Variants in DNAH11 observed in about 807,000 individuals in gnomAD.
The protein encoded by DNAH11 is dynein axonemal heavy chain 11.
A neutral mutation model predicts 526.0 loss-of-function variants in DNAH11; 442 were observed. The ratio of observed to expected loss-of-function variants is 0.84; its 90% CI spans 0.78 to 0.91. The LOEUF is 0.91. DNAH11 is among the 40% of genes least tolerant of loss of function. The pLI, the probability that DNAH11 is intolerant of heterozygous loss-of-function variation, is 0.00. For synonymous variants in DNAH11, 2,461 were observed against 1,935.9 expected (o/e 1.27, Z -7.12); for missense variants, 6,989 against 5,448.7 (o/e 1.28, Z -8.90).
intron 76 of DNAH11, among the ~76,000 whole-genome samples, chr7:21,888,558 C>A (rs769646738): frequency 6.6e-6 from 1 of 151,450 alleles, no homozygotes; most frequent in African/African-American, 2.4e-5. Flanking sequence ...GGTGTGATCT[C>A]GGCTCACTGC....
At chr7:21,776,948 G>A (rs2127981303) in intron 56 of DNAH11, among the ~76,000 whole-genome samples, 1 of 151,476 alleles carries the variant, frequency 6.6e-6, no homozygotes, top group South Asian at 2.1e-4. Context: ...GTGTGTGTGT[G>A]TGTGTGTGTG....
intron 25 of DNAH11, among the ~76,000 whole-genome samples, chr7:21,627,129 T>C (rs1786377980): frequency 6.6e-6 from 1 of 152,188 alleles, no homozygotes; most frequent in Non-Finnish European, 1.5e-5. Context: ...TGTTTTTGTT[T>C]TGCCACTGGG....
intron 49 of DNAH11, among the ~76,000 whole-genome samples, chr7:21,743,212 G>A (rs1279076484): frequency 6.6e-6 from 1 of 152,238 alleles, no homozygotes; most frequent in African/African-American, 2.4e-5. Flanking sequence ...GAGTGAGTGA[G>A]TGCTTACTGT....
In DNAH11 at chr7:21,744,543, A is replaced by G; in HGVS notation, c.8260A>G (p.Lys2754Glu). The G allele has an allele frequency of 6.2e-7, 1 of 1,613,494 alleles. No homozygotes were observed. The highest frequency in any genetic ancestry group is 8.5e-7 in the Non-Finnish European group (1 of 1,179,768). The change falls in exon 50 of 82, where the codon AAA becomes GAA. Residue 2754 changes from lysine to glutamate, a missense_variant. Physicochemically the swap from Lys to Glu is moderately conservative, Grantham distance 56. Coordinates refer to ENST00000409508, the MANE Select transcript of DNAH11 (RefSeq NM_001277115.2). ...TTATGGAGACAAACTGATAGACAAAAAAGATTGTGATTTGTTTCAGAGAAG... is the reference window on the plus strand; with the variant it reads ...TTATGGAGACAAACTGATAGACAAAGAAGATTGTGATTTGTTTCAGAGAAG... ...RVYGDKLIDK[K>E]DCDLFQRRML...
intron 2 of DNAH11, among the ~76,000 whole-genome samples, chr7:21,550,376 G>A (rs1214682147): frequency 6.6e-6 from 1 of 152,132 alleles, no homozygotes; most frequent in Non-Finnish European, 1.5e-5. Flanking sequence ...AGGGATGACA[G>A]GGTGGAGTAT....
intron 63 of DNAH11, among the ~76,000 whole-genome samples, chr7:21,812,300 C>T (rs1157062361): frequency 6.6e-6 from 1 of 151,986 alleles, no homozygotes; most frequent in Non-Finnish European, 1.5e-5. Flanking sequence ...ATGGAAGAAT[C>T]ATGATTTGGG....
rs1169835138 is a variant in DNAH11 at position 21,606,740 on chromosome 7, C to A, written c.3852+7C>A. 31 of 1,592,582 alleles carry A rather than the reference C, an allele frequency of 1.9e-5. No homozygotes were observed. Among genetic ancestry groups the A allele is most frequent in the Non-Finnish European group, 2.7e-5 (31 of 1,167,916 alleles). On this transcript the variant is annotated splice_region_variant and intron_variant, in intron 20 of 81. Transcript: ENST00000409508. Reference sequence around the variant, plus strand: ...ATACACAGCGCTTGATAAGGTAATACAGATCTCAAATATCCTGTGTGCATT... The same window carrying A: ...ATACACAGCGCTTGATAAGGTAATAAAGATCTCAAATATCCTGTGTGCATT...
intron 34 of DNAH11, among the ~76,000 whole-genome samples, chr7:21,689,291 A>G (rs1055885418): frequency 6.6e-6 from 1 of 152,188 alleles, no homozygotes; most frequent in Non-Finnish European, 1.5e-5. Flanking sequence ...GATTTATGTA[A>G]CTGATCCATG....
At chr7:21,656,071 C>A in intron 29 of DNAH11, 90 bp downstream of exon 29, 1 of 1,371,294 alleles carries the variant, frequency 7.3e-7, no homozygotes, top group East Asian at 2.5e-5. Context: ...AAATTCAACC[C>A]AGGTCAAATC....
intron 28 of DNAH11, among the ~76,000 whole-genome samples, chr7:21,643,687 C>A (rs551758826): frequency 1.3e-5 from 2 of 152,280 alleles, no homozygotes; most frequent in South Asian, 4.1e-4. Context: ...AGTGAATCTA[C>A]CTTTGCCCCT....
intron 62 of DNAH11, among the ~76,000 whole-genome samples, chr7:21,802,675 A>T (rs1789046306): frequency 6.6e-6 from 1 of 152,148 alleles, no homozygotes; most frequent in South Asian, 2.1e-4. Flanking sequence ...ATGAATCTTG[A>T]AAATATCATG....
At chr7:21,685,610 C>T (rs1201008913) in intron 32 of DNAH11, among the ~76,000 whole-genome samples, 1 of 152,134 alleles carries the variant, frequency 6.6e-6, no homozygotes, top group Non-Finnish European at 1.5e-5. Context: ...ATAGTGTCTC[C>T]TTCTTCCATA....
chr7:21,798,703 A>G (rs1478655771), intron 61 of DNAH11, among the ~76,000 whole-genome samples: 1 of 152,242 alleles, frequency 6.6e-6, no homozygotes, highest in African/African-American at 2.4e-5. Flanking sequence ...TTCTCCAGCA[A>G]GCATACAGCA....
At position 21,900,831 on chromosome 7, in the gene DNAH11, G is replaced by A. The variant is rs777392786; in HGVS notation, c.13304-176G>A. The A allele has an allele frequency of 1.5e-4, 157 of 1,020,582 alleles. 1 individual carries two copies. The highest frequency in any genetic ancestry group is 3.7e-4 in the South Asian group (16 of 43,060). The allele number at this position is 1,020,582 out of a possible 1,614,324, so 63.2% of individuals were successfully genotyped here. A position where few individuals can be genotyped will look rare whatever the true frequency, so the allele number is the denominator to read the frequency against. ...GAAGCAAAGCGGTGCCTCCGCTGCA[G>A]GCAGGGTAACCTACCTTTCAAAGCT... On this transcript the variant is annotated intron_variant, in intron 81 of 81. Transcript: ENST00000409508.
rs1031903018 is a variant in DNAH11 at position 21,635,969 on chromosome 7, C to A, written c.4599C>A (p.Ile1533=). ...AATTAAACATAGCAGACTTGGTCAT[C>A]TTCACTTGGATGGAAGTCCAGCGAA... ...QNKLNIADLV[I]FTWMEVQRTW... is the part of the protein sequence containing the mutation. Residue 1533 remains isoleucine, a synonymous_variant, in exon 26 of 82, where the codon ATC becomes ATA. Coordinates refer to ENST00000409508, the MANE Select transcript of DNAH11 (RefSeq NM_001277115.2). 6.2e-7 allele frequency: 1 copy of A among 1,613,602 alleles called. No individual in the cohort carries two copies. The highest frequency in any genetic ancestry group is 8.5e-7 in the Non-Finnish European group (1 of 1,179,720).
Position 21,618,734 on chromosome 7 carries a change from A to G in DNAH11, c.4255-366A>G, listed in dbSNP as rs566192881. ...AGGGTTCTTTAGGAAGAAAAGACAA[A>G]TGAGCCACTACCTGATTCCTGGGAT... On this transcript the variant is annotated intron_variant, in intron 23 of 81. Transcript: ENST00000409508. Among the ~76,000 whole-genome samples the G allele has an allele frequency of 3.3e-5, 5 of 152,330 alleles. No individual in the cohort carries two copies. In the South Asian group the frequency reaches 1.0e-3, roughly 32 times the overall value.
At chr7:21,600,287 G>T (rs963208689) in intron 15 of DNAH11, among the ~76,000 whole-genome samples, 168 bp downstream of exon 15, 1 of 151,860 alleles carries the variant, frequency 6.6e-6, no homozygotes. Flanking sequence ...TAGCAAGACC[G>T]TCTCTTAAAA....
At position 21,867,953 on chromosome 7, in the gene DNAH11, A is replaced by C. The variant is rs768098050; in HGVS notation, c.11785A>C (p.Ile3929Leu). 1.3e-6 allele frequency: 2 copies of C among 1,568,136 alleles called. No homozygotes were observed. The highest frequency in any genetic ancestry group is 1.7e-4 in the Middle Eastern group (1 of 6,012). Residue 3929 changes from isoleucine to leucine, a missense_variant, in exon 72 of 82, where the codon ATA (isoleucine) becomes CTA (leucine). Physicochemically the swap from Ile to Leu is conservative, Grantham distance 5. Transcript: ENST00000409508. ...AFEESSPATP[I>L]FFILSPGVDA... ...CGAAGAAAGCAGCCCAGCCACCCCC[A>C]TATTCTTCATCCTGTCTCCGGGGGT...
chr7:21,719,423 C>G (rs1784790250), intron 43 of DNAH11, among the ~76,000 whole-genome samples: 1 of 152,162 alleles, frequency 6.6e-6, no homozygotes, highest in Non-Finnish European at 1.5e-5. Context: ...ATTTCAAGTA[C>G]TGTGGGAGAA....
Sources: gnomAD v4.1 joint callset for allele counts (sites outside exome capture counted in the v4.1 genomes callset) on GRCh38, gnomAD v4.1.1 for gene constraint, MANE v1.5 for transcripts, NCBI Gene and HGNC (gene_info 2026-07-23, HGNC 2026-07-21) for gene names.